The following FUT8 variants were observed in gnomAD, a reference collection of about 807,000 sequenced individuals.
FUT8 encodes alpha-(1,6)-fucosyltransferase.
FUT8 carries 29 observed loss-of-function variants against 71.3 expected under a neutral mutation model. The ratio of observed to expected loss-of-function variants is 0.41; its 90% CI spans 0.30 to 0.55. FUT8 has a LOEUF of 0.55. Among genes scored for constraint, FUT8 ranks in the 20% least tolerant of loss-of-function variants. The pLI is 0.34. For missense variants in FUT8, 544 were observed against 702.1 expected (o/e 0.77, Z 2.55); for synonymous variants, 254 against 239.3 (o/e 1.06, Z -0.57).
chr14:65,620,673 AACAGAGAGAGAG>A (rs1889561516), intron 5 of FUT8, among the ~76,000 whole-genome samples: 1 of 152,226 alleles, frequency 6.6e-6, no homozygotes, highest in African/African-American at 2.4e-5. Context: ...TATACACAAA[AACAGAGAGAGAG>A]ACAGAGAGAG....
chr14:65,705,113 A>G (rs538868536), intron 7 of FUT8, among the ~76,000 whole-genome samples: 1 of 152,240 alleles, frequency 6.6e-6, no homozygotes, highest in African/African-American at 2.4e-5. Flanking sequence ...GGAGGCTTCA[A>G]GTTGACAGTA....
intron 9 of FUT8, among the ~76,000 whole-genome samples, chr14:65,724,580 T>TATAA (rs1895586000): frequency 6.6e-6 from 1 of 152,186 alleles, no homozygotes; most frequent in East Asian, 1.9e-4. Flanking sequence ...ATAATCATTA[T>TATAA]TATCATTAAA....
At chr14:65,649,098 T>C (rs770504595) in intron 6 of FUT8, among the ~76,000 whole-genome samples, 6 of 152,222 alleles carry the variant, frequency 3.9e-5, no homozygotes, top group African/African-American at 7.2e-5. Context: ...ACATTGTTCA[T>C]TGTTAAACAA....
chr14:65,692,225 G>T (rs576884992), intron 7 of FUT8, among the ~76,000 whole-genome samples: 3 of 150,584 alleles, frequency 2.0e-5, no homozygotes, highest in Non-Finnish European at 3.0e-5. Flanking sequence ...CTGGCCAGGC[G>T]GGGGGCTGAC....
intron 7 of FUT8, among the ~76,000 whole-genome samples, chr14:65,692,365 C>G (rs1893673510): frequency 1.3e-5 from 2 of 148,674 alleles, no homozygotes; most frequent in African/African-American, 2.5e-5. Flanking sequence ...GGGCTGACCC[C>G]CCCACCTCCC....
intron 7 of FUT8, among the ~76,000 whole-genome samples, chr14:65,670,055 A>G (rs772685960): frequency 6.6e-6 from 1 of 152,210 alleles, no homozygotes; most frequent in Non-Finnish European, 1.5e-5. Context: ...TGTGATTTTA[A>G]TTGTATTCAG....
At chr14:65,561,174 G>A (rs1177458137) in intron 2 of FUT8, among the ~76,000 whole-genome samples, 163 bp from the exon 3 acceptor site, 1 of 152,132 alleles carries the variant, frequency 6.6e-6, no homozygotes, top group Non-Finnish European at 1.5e-5. Flanking sequence ...TTAATATACA[G>A]ATTAACAGAT....
At chr14:65,507,341 C>T (rs1054634422) in intron 2 of FUT8, among the ~76,000 whole-genome samples, 1 of 152,180 alleles carries the variant, frequency 6.6e-6, no homozygotes, top group African/African-American at 2.4e-5. Context: ...TTCCCACCAG[C>T]CTGATTGAAC....
chr14:65,545,447 T>A lies in FUT8; in HGVS notation c.-227-15890T>A, dbSNP rs578084986. 3.9e-5 allele frequency among the ~76,000 whole-genome samples: 6 copies of A among 151,994 alleles called. No individual in the cohort carries two copies. In the South Asian group the frequency reaches 1.0e-3, roughly 26 times the overall value. On this transcript the variant is annotated intron_variant, in intron 2 of 10. Coordinates refer to ENST00000673929, the MANE Select transcript of FUT8 (RefSeq NM_001371533.1). ...AATTCTCTTTATCAACTTGAAAAAT[T>A]TTTGTTTTCTAGTAGATTGTTAATG...
intron 6 of FUT8, among the ~76,000 whole-genome samples, chr14:65,654,950 T>TC (rs1369841739): frequency 6.6e-6 from 1 of 151,868 alleles, no homozygotes; most frequent in African/African-American, 2.4e-5. Context: ...ACAGGGTTTC[T>TC]CCATGTTGGT....
the FUT8 span, among the ~76,000 whole-genome samples, chr14:65,394,779 C>T: frequency 7.6e-6 from 1 of 131,618 alleles, no homozygotes; most frequent in South Asian, 2.5e-4. Context: ...GAGACGGAGT[C>T]TTGCTCTGTT....
At chr14:65,659,658 T>C (rs965958768) in intron 6 of FUT8, among the ~76,000 whole-genome samples, 1 of 152,094 alleles carries the variant, frequency 6.6e-6, no homozygotes, top group African/African-American at 2.4e-5. Context: ...TGCTTTTTAC[T>C]CCTTTTCCCT....
intron 3 of FUT8, among the ~76,000 whole-genome samples, chr14:65,580,859 C>T (rs542095702): frequency 6.6e-6 from 1 of 152,126 alleles, no homozygotes; most frequent in South Asian, 2.1e-4. Context: ...TGAATCAGCC[C>T]CTAGACACAG....
intron 2 of FUT8, among the ~76,000 whole-genome samples, chr14:65,538,794 C>T (rs577983277): frequency 6.6e-6 from 1 of 151,976 alleles, no homozygotes; most frequent in Non-Finnish European, 1.5e-5. Context: ...GTGGCATGCG[C>T]CTGTAATCCC....
At chr14:65,453,597 C>T (rs2065857617) in intron 1 of FUT8, among the ~76,000 whole-genome samples, 1 of 152,108 alleles carries the variant, frequency 6.6e-6, no homozygotes, top group Admixed American at 6.5e-5. Flanking sequence ...AAATTTAGCC[C>T]TCCTGAGGTC....
At chr14:65,613,896 G>C (rs991553645) in intron 3 of FUT8, among the ~76,000 whole-genome samples, 2 of 152,108 alleles carry the variant, frequency 1.3e-5, no homozygotes, top group Non-Finnish European at 2.9e-5. Context: ...CGGATCACTT[G>C]AGGCCAGGAG....
chr14:65,506,158 G>A (rs917501698), intron 2 of FUT8, among the ~76,000 whole-genome samples: 2 of 152,148 alleles, frequency 1.3e-5, no homozygotes, highest in African/African-American at 2.4e-5. Flanking sequence ...GGCTTATTTT[G>A]TAATGGTTCT....
chr14:65,577,090 T>TC (rs573952279), intron 3 of FUT8, among the ~76,000 whole-genome samples: 23 of 152,012 alleles, frequency 1.5e-4, no homozygotes, highest in Non-Finnish European at 3.4e-4. Context: ...GCTCTAGCAG[T>TC]CCTCCTGCCT....
intron 4 of FUT8, 21 bp from the exon 5 acceptor site, chr14:65,616,190 C>G: frequency 6.3e-7 from 1 of 1,599,552 alleles, no homozygotes. Flanking sequence ...AATGCTACAA[C>G]TCTCTATTCT....
Sources: allele counts gnomAD v4.1 joint callset (sites outside exome capture counted in the v4.1 genomes callset), GRCh38; gene constraint gnomAD v4.1.1; transcripts MANE v1.5; gene names NCBI Gene and HGNC (gene_info 2026-07-23, HGNC 2026-07-21).